Variants in PAM observed in about 807,000 individuals in gnomAD.
The protein encoded by PAM is peptidylglycine alpha-amidating monooxygenase.
PAM carries 72 observed loss-of-function variants against 122.1 expected under a neutral mutation model. The observed-to-expected ratio is 0.59, with a 90% CI of 0.49 to 0.72. The LOEUF is 0.72. Among genes scored for constraint, PAM ranks in the 30% least tolerant of loss-of-function variants. The pLI, the probability that PAM is intolerant of heterozygous loss-of-function variation, is 0.00. For synonymous variants in PAM, 389 were observed against 404.4 expected (o/e 0.96, Z 0.46); for missense variants, 1,106 against 1,183.7 (o/e 0.93, Z 0.96).
intron 5 of PAM, among the ~76,000 whole-genome samples, chr5:102,920,894 G>A (rs1747222678): frequency 6.6e-6 from 1 of 151,868 alleles, no homozygotes; most frequent in African/African-American, 2.4e-5. Flanking sequence ...GATACAACCA[G>A]AGAGTACTTT....
chr5:102,986,407 A>G (rs932541527), intron 15 of PAM, among the ~76,000 whole-genome samples: 9 of 152,172 alleles, frequency 5.9e-5, no homozygotes, highest in Admixed American at 2.6e-4. Flanking sequence ...CAAAATCTCA[A>G]CATGTGAAAA....
In PAM at chr5:102,966,236, C is replaced by T. The variant is rs1411974508; in HGVS notation, c.1162+5007C>T. 2.6e-5 allele frequency among the ~76,000 whole-genome samples: 4 copies of T among 152,126 alleles called. No individual in the cohort carries two copies. The East Asian group carries it at 5.8e-4, about 22-fold the overall frequency. ...CATCTATCAAACACAATTCTAAATA[C>T]CCCCCAAGGCTCTGGGAAGCTGACT... is the stretch of plus-strand genomic sequence containing the variant. On this transcript the variant is annotated intron_variant, in intron 14 of 25. Coordinates refer to ENST00000438793, the MANE Select transcript of PAM (RefSeq NM_001177306.2).
intron 15 of PAM, chr5:102,990,067 A>T (rs923697093): frequency 1.4e-5 from 5 of 349,188 alleles, no homozygotes; most frequent in South Asian, 1.4e-4. Context: ...AACAGTCCTA[A>T]TGCAAGTTCC....
intron 1 of PAM, among the ~76,000 whole-genome samples, chr5:102,823,899 G>A (rs901403323): frequency 6.6e-6 from 1 of 152,140 alleles, no homozygotes. Context: ...CCCTGACCAT[G>A]AAAAAGATAC....
At chr5:102,829,363 G>GTTTTTT (rs70990417) in intron 1 of PAM, among the ~76,000 whole-genome samples, 1 of 140,506 alleles carries the variant, frequency 7.1e-6, no homozygotes, top group African/African-American at 2.6e-5. Flanking sequence ...CAACTGGGAG[G>GTTTTTT]TTTTTTTTTT....
chr5:102,950,863 G>T (rs779032529), intron 12 of PAM, 43 bp downstream of exon 12: 11 of 1,136,938 alleles, frequency 9.7e-6, no homozygotes, highest in Admixed American at 1.8e-5. Flanking sequence ...ATTTTATTGG[G>T]ATAAGGCATG....
chr5:102,895,626 T>C (rs1795998265), intron 3 of PAM, among the ~76,000 whole-genome samples: 1 of 151,752 alleles, frequency 6.6e-6, no homozygotes, highest in Non-Finnish European at 1.5e-5. Context: ...TGGTTCATTA[T>C]AAATGTCAAG....
intron 23 of PAM, among the ~76,000 whole-genome samples, chr5:103,022,743 C>T (rs190396736): frequency 6.6e-6 from 1 of 152,168 alleles, no homozygotes; most frequent in East Asian, 1.9e-4. Flanking sequence ...ACTCTTCATT[C>T]ATCATAGATG....
intron 15 of PAM, among the ~76,000 whole-genome samples, chr5:102,981,682 C>T (rs906554477): frequency 6.6e-6 from 1 of 152,152 alleles, no homozygotes; most frequent in African/African-American, 2.4e-5. Flanking sequence ...GCTCTGAGAA[C>T]GTGATGAAAG....
chr5:102,824,397 T>C (rs1772980132), intron 1 of PAM, among the ~76,000 whole-genome samples: 1 of 152,218 alleles, frequency 6.6e-6, no homozygotes. Context: ...TTTATCTTAG[T>C]CATTCTATGT....
intron 3 of PAM, among the ~76,000 whole-genome samples, chr5:102,872,191 A>T (rs1456999650): frequency 6.6e-6 from 1 of 152,190 alleles, no homozygotes; most frequent in Non-Finnish European, 1.5e-5. Flanking sequence ...TCTTCAGATC[A>T]TGCATTGAAA....
intron 1 of PAM, among the ~76,000 whole-genome samples, chr5:102,773,223 G>C: frequency 6.6e-6 from 1 of 152,198 alleles, no homozygotes; most frequent in Middle Eastern, 3.4e-3. Flanking sequence ...TAAACTAAAA[G>C]TACTGGGTCC....
In PAM at chr5:103,028,172, C is replaced by CT. The variant is rs760316365; in HGVS notation, c.2690-6dup. On this transcript the variant is annotated splice_polypyrimidine_tract_variant and intron_variant, in intron 24 of 25. Coordinates refer to ENST00000438793, the MANE Select transcript of PAM (RefSeq NM_001177306.2). ...TGGGACTCATTTTGAAATGTGCCATCTTTTTTTAGCAGATTCTGAACACAA... is the reference window on the plus strand; with the variant it reads ...TGGGACTCATTTTGAAATGTGCCATCTTTTTTTTAGCAGATTCTGAACACAA... The CT allele has an allele frequency of 3.5e-5, 56 of 1,606,018 alleles. No individual in the cohort carries two copies. Among genetic ancestry groups the CT allele is most frequent in the South Asian group, 4.4e-5 (4 of 90,678 alleles).
intron 1 of PAM, among the ~76,000 whole-genome samples, chr5:102,755,841 G>T (rs566710652): frequency 6.2e-4 from 95 of 152,216 alleles, no homozygotes; most frequent in Non-Finnish European, 1.1e-3. Context: ...GGGGTGTGGA[G>T]TGGGGGCGAG....
chr5:102,969,934 C>A (rs144824134), intron 14 of PAM, among the ~76,000 whole-genome samples: 4 of 152,156 alleles, frequency 2.6e-5, no homozygotes, highest in Non-Finnish European at 4.4e-5. Context: ...AAAACACCAG[C>A]GTTTTTTACA....
Position 102,866,237 on chromosome 5 carries a change from T to C in PAM, c.42T>C (p.Phe14=), listed in dbSNP as rs1325117008. ...CTAGCCTGCTAGTTCTCCTTGTTTT[T>C]CCAAGCAGCTGTTTGGCTTTCCGAA... ...RVPSLLVLLV[F]PSSCLAFRSP... is the part of the protein sequence containing the mutation. Residue 14 remains phenylalanine, a synonymous_variant, in exon 2 of 26, where the codon TTT becomes TTC. Coordinates refer to ENST00000438793, the MANE Select transcript of PAM (RefSeq NM_001177306.2). 1 of 1,613,856 alleles carries C rather than the reference T, an allele frequency of 6.2e-7. No individual in the cohort carries two copies. Among genetic ancestry groups the C allele is most frequent in the East Asian group, 2.2e-5 (1 of 44,870 alleles).
chr5:102,939,297 T>A (rs192673352), intron 7 of PAM, among the ~76,000 whole-genome samples: 2 of 152,224 alleles, frequency 1.3e-5, no homozygotes, highest in African/African-American at 4.8e-5. Context: ...TATTCTTTTT[T>A]CCATCTTTAA....
chr5:102,823,782 C>T (rs974088626), intron 1 of PAM, among the ~76,000 whole-genome samples: 8 of 152,142 alleles, frequency 5.3e-5, no homozygotes, highest in African/African-American at 1.9e-4. Context: ...AATCTATGCT[C>T]ATAAGTGAAC....
chr5:103,008,796 CCTTTA>C (rs772745573), intron 20 of PAM, among the ~76,000 whole-genome samples: 5 of 151,508 alleles, frequency 3.3e-5, no homozygotes, highest in African/African-American at 7.3e-5. Context: ...TTGTCAGGAC[CCTTTA>C]CTTAATTAAG....
Sources: gnomAD v4.1 joint callset for allele counts (sites outside exome capture counted in the v4.1 genomes callset) on GRCh38, gnomAD v4.1.1 for gene constraint, MANE v1.5 for transcripts, NCBI Gene and HGNC (gene_info 2026-07-23, HGNC 2026-07-21) for gene names.